Variants in DLGAP2 observed in about 807,000 individuals in gnomAD.
DLGAP2 encodes the protein disks large-associated protein 2.
In DLGAP2, 26 loss-of-function variants were observed where a neutral mutation model predicts 100.3. That is an observed-to-expected ratio of 0.26 (90% CI 0.19 to 0.36). The LOEUF (loss-of-function observed/expected upper bound fraction) is 0.36. Ranked by LOEUF, DLGAP2 falls within the 10% of genes least tolerant of loss-of-function variation. DLGAP2 has a pLI of 1.00. For missense variants in DLGAP2, 1,858 were observed against 1,453.2 expected (o/e 1.28, Z -4.53); for synonymous variants, 886 against 630.1 (o/e 1.41, Z -6.08).
rs182784689 is a variant in DLGAP2, at chr8:1,457,006, G to C, written c.107-44360G>C. 3.8e-3 allele frequency among the ~76,000 whole-genome samples: 578 copies of C among 152,350 alleles called. 4 individuals are homozygous for C. The highest frequency in any genetic ancestry group is 0.014 in the African/African-American group (563 of 41,586). ...CTGCAATTAGCCTTTCCCGAGTTCA[G>C]AGGGCTGCTTGGCTCTGGGCCTGCA... On this transcript the variant is annotated intron_variant, in intron 3 of 14. Coordinates refer to ENST00000637795, the MANE Select transcript of DLGAP2 (RefSeq NM_001346810.2).
At chr8:849,725 G>A (rs1797145222) in intron 1 of DLGAP2, among the ~76,000 whole-genome samples, 1 of 152,118 alleles carries the variant, frequency 6.6e-6, no homozygotes, top group Admixed American at 6.5e-5. Flanking sequence ...TTTATCATGT[G>A]CCTGCTTTCC....
intron 3 of DLGAP2, among the ~76,000 whole-genome samples, chr8:1,456,643 G>A (rs1047662535): frequency 6.6e-6 from 1 of 151,874 alleles, no homozygotes; most frequent in African/African-American, 2.4e-5. Flanking sequence ...AACACAAATT[G>A]CATCATTAGA....
chr8:1,637,678 A>C (rs999746999), intron 8 of DLGAP2, among the ~76,000 whole-genome samples: 2 of 152,202 alleles, frequency 1.3e-5, no homozygotes, highest in African/African-American at 4.8e-5. Context: ...TTTATGTCGT[A>C]AGCATTTATT....
chr8:1,697,310 C>T lies in DLGAP2; in HGVS notation c.2949+11C>T. 1 of 1,583,842 alleles carries T rather than the reference C, an allele frequency of 6.3e-7. No individual in the cohort carries two copies. The highest frequency in any genetic ancestry group is 8.6e-7 in the Non-Finnish European group (1 of 1,161,174). On this transcript the variant is annotated intron_variant, in intron 14 of 14. Coordinates refer to ENST00000637795, the MANE Select transcript of DLGAP2 (RefSeq NM_001346810.2). The stretch of plus-strand genomic sequence containing the variant: ...TCCCCGGAAAGAAAGGTAAGGGCAT[C>T]CATGCAGGGCCGGCTCCCAGCAAAC...
chr8:1,621,803 C>T lies in DLGAP2; in HGVS notation c.1443-4937C>T, dbSNP rs113075780. On this transcript the variant is annotated intron_variant, in intron 6 of 14. Transcript: ENST00000637795. The stretch of plus-strand genomic sequence containing the variant: ...CGAGCCTCTGCGGTCAAGGGTATGG[C>T]GTTTCCGAGCCTCTGCAGTCAAGAG... 1,270 of 152,226 alleles carry T rather than the reference C, an allele frequency of 8.3e-3. 8 individuals carry two copies. The highest frequency in any genetic ancestry group is 0.013 in the Non-Finnish European group (917 of 68,086). The allele number at this position is 152,226 out of a possible 1,614,324, so 9.4% of individuals were successfully genotyped here.
intron 2 of DLGAP2, among the ~76,000 whole-genome samples, chr8:1,025,111 TGTGC>T (rs1181095231): frequency 6.6e-6 from 1 of 151,968 alleles, no homozygotes; most frequent in East Asian, 1.9e-4. Flanking sequence ...CGTGTATGTG[TGTGC>T]GTGCATGTGC....
At chr8:1,107,367 C>T (rs1388060001) in intron 2 of DLGAP2, among the ~76,000 whole-genome samples, 2 of 152,210 alleles carry the variant, frequency 1.3e-5, no homozygotes, top group Admixed American at 6.5e-5. Context: ...CCCCCGCACC[C>T]GGGCCTGCCT....
intron 2 of DLGAP2, among the ~76,000 whole-genome samples, chr8:952,172 C>G (rs1312556666): frequency 6.6e-6 from 1 of 152,186 alleles, no homozygotes; most frequent in Non-Finnish European, 1.5e-5. Flanking sequence ...GTAAAATAAT[C>G]CGACCCATTT....
At chr8:1,180,818 T>A (rs1797370051) in intron 2 of DLGAP2, among the ~76,000 whole-genome samples, 1 of 150,860 alleles carries the variant, frequency 6.6e-6, no homozygotes, top group African/African-American at 2.5e-5. Context: ...TACCGTTGAG[T>A]GTGTGTGGTG....
intron 12 of DLGAP2, among the ~76,000 whole-genome samples, chr8:1,682,047 G>A (rs1270383940): frequency 6.6e-6 from 1 of 152,196 alleles, no homozygotes; most frequent in Non-Finnish European, 1.5e-5. Context: ...GTTCCCTTAT[G>A]GGAAGCACCC....
chr8:851,348 C>T (rs554732351), intron 1 of DLGAP2, among the ~76,000 whole-genome samples: 9 of 152,242 alleles, frequency 5.9e-5, no homozygotes, highest in African/African-American at 1.7e-4. Flanking sequence ...CATTGCTAAG[C>T]GACGTATGAC....
intron 2 of DLGAP2, among the ~76,000 whole-genome samples, chr8:1,071,187 C>T (rs1385301757): frequency 1.3e-5 from 2 of 152,302 alleles, no homozygotes; most frequent in African/African-American, 4.8e-5. Context: ...GTGAGTGGTG[C>T]TTTCCAGTTT....
intron 3 of DLGAP2, among the ~76,000 whole-genome samples, chr8:1,312,676 G>C (rs1047152534): frequency 6.6e-6 from 1 of 152,108 alleles, no homozygotes; most frequent in Non-Finnish European, 1.5e-5. Flanking sequence ...TATGTCATCT[G>C]TACCAGAATA....
chr8:1,529,771 T>C (rs1026008396), intron 4 of DLGAP2, among the ~76,000 whole-genome samples: 10 of 152,222 alleles, frequency 6.6e-5, no homozygotes, highest in Non-Finnish European at 1.3e-4. Context: ...TCCTTAAGCG[T>C]TGGCCAGCTT....
chr8:1,419,435 C>T (rs568023198), intron 3 of DLGAP2, among the ~76,000 whole-genome samples: 1 of 56,318 alleles, frequency 1.8e-5, no homozygotes, highest in African/African-American at 8.4e-5. Context: ...GTGTTACACT[C>T]TGATACGTGT....
chr8:1,465,419 G>A (rs913349898), intron 3 of DLGAP2, among the ~76,000 whole-genome samples: 4 of 151,822 alleles, frequency 2.6e-5, no homozygotes, highest in Non-Finnish European at 4.4e-5. Flanking sequence ...GGGGACAGAT[G>A]AAGAGATGAG....
intron 2 of DLGAP2, among the ~76,000 whole-genome samples, chr8:1,187,033 C>G (rs1465132848): frequency 1.4e-5 from 2 of 144,968 alleles, no homozygotes; most frequent in Admixed American, 1.3e-4. Context: ...GGTCGTGGGC[C>G]TTTCCCAGGC....
At chr8:1,228,376 A>G (rs1359281852) in intron 2 of DLGAP2, among the ~76,000 whole-genome samples, 2 of 152,238 alleles carry the variant, frequency 1.3e-5, no homozygotes, top group African/African-American at 2.4e-5. Flanking sequence ...AATTCTGCCA[A>G]ACATTTAAAG....
At chr8:955,325 TC>T (rs1799572001) in intron 2 of DLGAP2, among the ~76,000 whole-genome samples, 1 of 152,180 alleles carries the variant, frequency 6.6e-6, no homozygotes, top group Admixed American at 6.5e-5. Flanking sequence ...CTTACAGCTT[TC>T]CAAGTGCCCA....
Sources: allele counts gnomAD v4.1 joint callset (sites outside exome capture counted in the v4.1 genomes callset), GRCh38; gene constraint gnomAD v4.1.1; transcripts MANE v1.5; gene names NCBI Gene and HGNC (gene_info 2026-07-23, HGNC 2026-07-21).